The following GABRG1 variants were observed in gnomAD, a reference collection of about 807,000 sequenced individuals.
GABRG1 encodes the protein gamma-aminobutyric acid receptor subunit gamma-1.
Under a neutral mutation model 49.8 loss-of-function variants are expected in GABRG1, and 49 were observed. The ratio of observed to expected loss-of-function variants is 0.98; its 90% CI spans 0.78 to 1.25. The LOEUF (loss-of-function observed/expected upper bound fraction) is 1.25, where lower values mean the gene tolerates loss of function less well. Among genes scored for constraint, GABRG1 ranks in the 50% most tolerant of loss-of-function variants. GABRG1 has a pLI of 0.00. For missense variants in GABRG1, 552 were observed against 552.3 expected, an observed-to-expected ratio of 1.00 and a Z score of 0.01; for synonymous variants, 232 against 185.1, an observed-to-expected ratio of 1.25 and a Z score of -2.06.
In GABRG1 at chr4:46,122,316, G is replaced by A. The variant is rs548732154; in HGVS notation, c.104+1494C>T. On this transcript the variant is annotated intron_variant, in intron 1 of 8. Transcript: ENST00000295452. ...GCCTATTTGTTTGAAAGGAAAACTC[G>A]TATAAAATGATAAAAGGTTGTTATT... Among the ~76,000 whole-genome samples the A allele has an allele frequency of 3.3e-5, 5 of 152,110 alleles. 1 individual carries two copies. The highest frequency in any genetic ancestry group is 9.6e-5 in the African/African-American group (4 of 41,516).
intron 1 of GABRG1, among the ~76,000 whole-genome samples, chr4:46,104,406 G>A (rs929826281): frequency 1.8e-4 from 28 of 151,434 alleles, no homozygotes; most frequent in East Asian, 7.8e-4. Context: ...ATTTATTGCC[G>A]TGTTGTTGTA....
chr4:46,077,068 A>G (rs181029870), intron 3 of GABRG1, among the ~76,000 whole-genome samples: 155 of 150,704 alleles, frequency 1.0e-3, no homozygotes, highest in Non-Finnish European at 1.7e-3. Context: ...TTACTTTTAA[A>G]AAATCCGTTA....
intron 8 of GABRG1, among the ~76,000 whole-genome samples, chr4:46,049,831 A>AAG (rs1718145650): frequency 6.6e-6 from 1 of 151,626 alleles, no homozygotes; most frequent in Non-Finnish European, 1.5e-5. Context: ...ATTAGCTACC[A>AAG]TCCTAGAGTA....
chr4:46,077,074 C>T (rs529531818), intron 3 of GABRG1, among the ~76,000 whole-genome samples: 2 of 139,866 alleles, frequency 1.4e-5, no homozygotes, highest in South Asian at 2.3e-4. Flanking sequence ...TTAAAAAATC[C>T]GTTAAATGTT....
intron 1 of GABRG1, among the ~76,000 whole-genome samples, chr4:46,116,960 A>ATAT (rs1330544311): frequency 6.6e-6 from 1 of 150,534 alleles, no homozygotes. Flanking sequence ...TGGAAAATTA[A>ATAT]TATTATAATT....
chr4:46,058,109 A>T (rs1419246129), intron 7 of GABRG1, 108 bp downstream of exon 7: 3 of 1,035,264 alleles, frequency 2.9e-6, no homozygotes, highest in East Asian at 2.5e-5. Context: ...TTTTTTCCTG[A>T]CTGTAGTCTA....
At position 46,035,776 on chromosome 4, in the gene GABRG1, G is replaced by T. The variant is rs1310399783; in HGVS notation, c.*5212C>A. ...CTATCAAGAAAGACACAATTTAAGA[G>T]AATGTGACTCTTTATTTATAACAAG... On this transcript the variant is annotated 3_prime_UTR_variant, in exon 9 of 9. Coordinates refer to ENST00000295452, the MANE Select transcript of GABRG1 (RefSeq NM_173536.4). 1 of 151,944 alleles carries T rather than the reference G, an allele frequency of 6.6e-6. No individual in the cohort carries two copies. The highest frequency in any genetic ancestry group is 1.5e-5 in the Non-Finnish European group (1 of 67,898). 9.4% of individuals were successfully genotyped at this position (151,944 alleles called of 1,614,324 possible).
In GABRG1 at chr4:46,100,946, C is replaced by T. The variant is rs544933216; in HGVS notation, c.105-3597G>A. ...TTTTCTCTAAGCTATCTAAGTTATG[C>T]TCAGAATGTTCATTAATTACTTTGA... On this transcript the variant is annotated intron_variant, in intron 1 of 8. Coordinates refer to ENST00000295452, the MANE Select transcript of GABRG1 (RefSeq NM_173536.4). 4.0e-5 allele frequency among the ~76,000 whole-genome samples: 6 copies of T among 151,400 alleles called. No homozygotes were observed. The South Asian group carries it at 1.2e-3, about 32-fold the overall frequency.
rs185296846 is a variant in GABRG1 at position 46,053,925 on chromosome 4, T to C, written c.917-2287A>G. On this transcript the variant is annotated intron_variant, in intron 7 of 8. Coordinates refer to ENST00000295452, the MANE Select transcript of GABRG1 (RefSeq NM_173536.4). ...TTAACAGGATATTGAGAAAACATTT[T>C]GGATATCATTGCTATATTCTCCATG... is the stretch of plus-strand genomic sequence containing the variant. Among the ~76,000 whole-genome samples the C allele has an allele frequency of 7.8e-3, 1,185 of 152,180 alleles. 7 individuals are homozygous for C. The highest frequency in any genetic ancestry group is 8.3e-3 in the Non-Finnish European group (567 of 67,966).
intron 5 of GABRG1, among the ~76,000 whole-genome samples, chr4:46,063,828 T>C (rs1360096862): frequency 1.3e-5 from 2 of 151,938 alleles, no homozygotes; most frequent in Non-Finnish European, 2.9e-5. Flanking sequence ...TCAAACAAAT[T>C]TACAAGAAAA....
rs1010704538 is a variant in GABRG1, at chr4:46,039,623, T to C, written c.*1365A>G. The C allele has an allele frequency of 6.6e-6, 1 of 151,664 alleles. No individual in the cohort carries two copies. Among genetic ancestry groups the C allele is most frequent in the African/African-American group, 2.4e-5 (1 of 41,376 alleles). 9.4% of individuals were successfully genotyped at this position (151,664 alleles called of 1,614,324 possible). On this transcript the variant is annotated 3_prime_UTR_variant, in exon 9 of 9. Coordinates refer to ENST00000295452, the MANE Select transcript of GABRG1 (RefSeq NM_173536.4). ...CTAAACCTGGTGGTTCTCCAGAAAT[T>C]TATGTGATGAATCTTATAAACAATT... is the stretch of plus-strand genomic sequence containing the variant.
intron 1 of GABRG1, among the ~76,000 whole-genome samples, chr4:46,118,378 T>C (rs2109447218): frequency 6.6e-6 from 1 of 150,444 alleles, no homozygotes; most frequent in South Asian, 2.1e-4. Context: ...GAGTTGCAAC[T>C]GATGGCAACT....
intron 1 of GABRG1, among the ~76,000 whole-genome samples, chr4:46,116,543 G>A (rs1287306843): frequency 1.3e-5 from 2 of 150,710 alleles, no homozygotes; most frequent in Non-Finnish European, 1.5e-5. Flanking sequence ...CCTTAAAAGT[G>A]GAAGAAAGAA....
At chr4:46,118,221 G>A (rs1448312018) in intron 1 of GABRG1, among the ~76,000 whole-genome samples, 1 of 147,118 alleles carries the variant, frequency 6.8e-6, no homozygotes, top group African/African-American at 2.5e-5. Flanking sequence ...TTCCTCAGAT[G>A]TAAGGATATA....
At position 46,040,252 on chromosome 4, in the gene GABRG1, T is replaced by C. The variant is rs1045180695; in HGVS notation, c.*736A>G. The C allele has an allele frequency of 2.0e-5, 3 of 151,994 alleles. No homozygotes were observed. In the South Asian group the frequency reaches 6.2e-4, roughly 31 times the overall value. The allele number at this position is 151,994 out of a possible 1,614,324, so 9.4% of individuals were successfully genotyped here. ...AAATGCTATGAAGCAGAGAATAAAA[T>C]GGTTAGATTTTACCTGATTTTTTCA... On this transcript the variant is annotated 3_prime_UTR_variant, in exon 9 of 9. Transcript: ENST00000295452.
chr4:46,114,410 A>T (rs1375494114), intron 1 of GABRG1, among the ~76,000 whole-genome samples: 1 of 150,998 alleles, frequency 6.6e-6, no homozygotes, highest in Non-Finnish European at 1.5e-5. Context: ...CTAGAATACT[A>T]GGTAAGTGTG....
intron 1 of GABRG1, among the ~76,000 whole-genome samples, chr4:46,115,507 A>T (rs548035645): frequency 2.7e-5 from 4 of 150,896 alleles, no homozygotes; most frequent in Admixed American, 6.6e-5. Flanking sequence ...TCAAAAAGCA[A>T]GTAAAGAAAA....
At chr4:46,113,750 T>C (rs1342005007) in intron 1 of GABRG1, among the ~76,000 whole-genome samples, 1 of 151,124 alleles carries the variant, frequency 6.6e-6, no homozygotes, top group Non-Finnish European at 1.5e-5. Flanking sequence ...CATGGACATA[T>C]CACAAGTTTC....
At chr4:46,093,871 T>C (rs532674883) in intron 2 of GABRG1, among the ~76,000 whole-genome samples, 15 of 152,062 alleles carry the variant, frequency 9.9e-5, no homozygotes, top group Non-Finnish European at 1.8e-4. Flanking sequence ...TCAATCATTG[T>C]AGTCAGAGAT....
Sources: allele counts gnomAD v4.1 joint callset (sites outside exome capture counted in the v4.1 genomes callset), GRCh38; gene constraint gnomAD v4.1.1; transcripts MANE v1.5; gene names NCBI Gene and HGNC (gene_info 2026-07-23, HGNC 2026-07-21).